Variants in UBR3 observed in about 807,000 individuals in gnomAD.
UBR3 encodes the protein ubiquitin protein ligase E3 component n-recognin 3.
A neutral mutation model predicts 243.2 loss-of-function variants in UBR3; 85 were observed. The ratio of observed to expected loss-of-function variants is 0.35; its 90% confidence interval spans 0.29 to 0.42. The LOEUF is 0.42. Among genes scored for constraint, UBR3 ranks in the 10% least tolerant of loss-of-function variants. The pLI, the probability that UBR3 is intolerant of heterozygous loss-of-function variation, is 1.00. For synonymous variants in UBR3, 748 were observed against 799.8 expected, an observed-to-expected ratio of 0.94 and a Z score of 1.09; for missense variants, 1,686 against 2,300.8, an observed-to-expected ratio of 0.73 and a Z score of 5.47.
intron 1 of UBR3, among the ~76,000 whole-genome samples, chr2:169,831,635 C>T (rs902470987): frequency 6.6e-6 from 1 of 152,064 alleles, no homozygotes; most frequent in Non-Finnish European, 1.5e-5. Flanking sequence ...TTTTCCTGGG[C>T]TATACAGCTA....
At chr2:169,911,710 A>G (rs1267235966) in intron 10 of UBR3, among the ~76,000 whole-genome samples, 1 of 152,152 alleles carries the variant, frequency 6.6e-6, no homozygotes, top group Admixed American at 6.6e-5. Context: ...ACTTGCGCTA[A>G]GAGCATGTAA....
At chr2:170,058,916 T>C (rs1222277587) in intron 33 of UBR3, among the ~76,000 whole-genome samples, 1 of 152,196 alleles carries the variant, frequency 6.6e-6, no homozygotes, top group East Asian at 1.9e-4. Flanking sequence ...TCAAAAACTT[T>C]AAGAAATACT....
intron 22 of UBR3, among the ~76,000 whole-genome samples, chr2:169,948,314 G>C (rs1450594961): frequency 6.6e-6 from 1 of 151,860 alleles, no homozygotes; most frequent in Admixed American, 6.6e-5. Context: ...ATTGCTAGCA[G>C]CATGCTCATT....
intron 36 of UBR3, chr2:170,078,176 T>G: frequency 1.8e-6 from 1 of 545,344 alleles, no homozygotes; most frequent in Non-Finnish European, 3.5e-6. Context: ...AATCATTTTC[T>G]TTGACTTCTT....
chr2:169,850,171 C>CTTTTT (rs56133731), intron 1 of UBR3, among the ~76,000 whole-genome samples: 3 of 57,294 alleles, frequency 5.2e-5, no homozygotes, highest in East Asian at 6.1e-4. Flanking sequence ...TGTTCTAGAG[C>CTTTTT]TTTTTTTTTT....
chr2:169,846,368 C>T (rs1030095644), intron 1 of UBR3, among the ~76,000 whole-genome samples: 4 of 152,118 alleles, frequency 2.6e-5, no homozygotes, highest in African/African-American at 9.7e-5. Context: ...AATGTCGTCA[C>T]CCATATTTCT....
chr2:169,947,599 G>A lies in UBR3; in HGVS notation c.2968G>A (p.Val990Met). The change falls in exon 22 of 39, where the codon GTG (valine) becomes ATG (methionine). Residue 990 changes from valine to methionine, a missense_variant. Physicochemically the swap from Val to Met is conservative, Grantham distance 21. Transcript: ENST00000272793. ...HDSWFPGSNL[V>M]SNMRHFINYV... Reference sequence around the variant, plus strand: ...CAGTTGGTTTCCTGGCAGTAACTTAGTGTCAAACATGCGACACTTTATAAA... The same window carrying A: ...CAGTTGGTTTCCTGGCAGTAACTTAATGTCAAACATGCGACACTTTATAAA... The A allele has an allele frequency of 6.5e-7, 1 of 1,532,648 alleles. No homozygotes were observed. The highest frequency in any genetic ancestry group is 8.8e-7 in the Non-Finnish European group (1 of 1,137,872). 94.9% of individuals were successfully genotyped at this position (1,532,648 alleles called of 1,614,324 possible).
chr2:170,001,197 A>T, intron 26 of UBR3, 107 bp from the exon 27 acceptor site: 1 of 738,780 alleles, frequency 1.4e-6, no homozygotes. Context: ...ACTCCACATT[A>T]ATATAAAAAT....
intron 23 of UBR3, among the ~76,000 whole-genome samples, chr2:169,953,448 G>A (rs774030651): frequency 1.3e-5 from 2 of 152,152 alleles, no homozygotes; most frequent in Non-Finnish European, 2.9e-5. Context: ...CAAGATGCAA[G>A]CAGAAAACAT....
intron 2 of UBR3, among the ~76,000 whole-genome samples, chr2:169,874,264 G>A (rs1481045043): frequency 6.6e-6 from 1 of 151,952 alleles, no homozygotes; most frequent in Non-Finnish European, 1.5e-5. Flanking sequence ...CGCCTCCTGG[G>A]TTCAAGTGAT....
At chr2:169,959,750 G>A (rs1029610180) in intron 24 of UBR3, among the ~76,000 whole-genome samples, 3 of 152,034 alleles carry the variant, frequency 2.0e-5, no homozygotes, top group Non-Finnish European at 4.4e-5. Context: ...TGAAAGTACA[G>A]TACCCGGTCT....
At chr2:169,961,269 T>A (rs138032634) in intron 24 of UBR3, among the ~76,000 whole-genome samples, 2 of 151,960 alleles carry the variant, frequency 1.3e-5, no homozygotes, top group African/African-American at 4.8e-5. Flanking sequence ...TTGGGATTGA[T>A]AATAGAGATT....
At chr2:170,061,682 G>A (rs2091460852) in intron 35 of UBR3, among the ~76,000 whole-genome samples, 1 of 152,068 alleles carries the variant, frequency 6.6e-6, no homozygotes, top group African/African-American at 2.4e-5. Context: ...TGGCCAGGCT[G>A]GTCTCAAACT....
intron 2 of UBR3, 56 bp from the exon 3 acceptor site, chr2:169,875,735 T>G (rs1050247389): frequency 2.0e-5 from 27 of 1,371,208 alleles, no homozygotes; most frequent in African/African-American, 3.0e-5. Flanking sequence ...TTATTTTTAG[T>G]AAGATATTTT....
intron 31 of UBR3, among the ~76,000 whole-genome samples, chr2:170,034,487 CA>C (rs938740293): frequency 2.0e-5 from 3 of 151,976 alleles, no homozygotes; most frequent in Non-Finnish European, 2.9e-5. Context: ...TAAGTTTCCA[CA>C]ATGTCTTCTC....
intron 23 of UBR3, among the ~76,000 whole-genome samples, chr2:169,955,564 C>T (rs757249860): frequency 6.6e-6 from 1 of 151,764 alleles, no homozygotes; most frequent in Non-Finnish European, 1.5e-5. Flanking sequence ...GAGGCTGAGG[C>T]GGGCAGATCA....
At chr2:169,968,047 C>A (rs1327839359) in intron 24 of UBR3, among the ~76,000 whole-genome samples, 1 of 151,850 alleles carries the variant, frequency 6.6e-6, no homozygotes, top group African/African-American at 2.4e-5. Context: ...TAGAGATACT[C>A]TTCATTCTTT....
At chr2:169,954,228 C>CTTGTCTTGTCTTGTCTTGTCTTG (rs1559129703) in intron 23 of UBR3, among the ~76,000 whole-genome samples, 4 of 110,372 alleles carry the variant, frequency 3.6e-5, no homozygotes, top group African/African-American at 1.8e-4. Context: ...GTCTTGTCTT[C>CTTGTCTTGTCTTGTCTTGTCTTG]TCTTCTTAAT....
intron 1 of UBR3, among the ~76,000 whole-genome samples, chr2:169,854,024 T>C (rs1383745352): frequency 1.3e-5 from 2 of 151,502 alleles, no homozygotes; most frequent in Non-Finnish European, 2.9e-5. Flanking sequence ...TCTGTTGGGG[T>C]TGGGGGCAAG....
Sources: gnomAD v4.1 joint callset for allele counts (sites outside exome capture counted in the v4.1 genomes callset) on GRCh38, gnomAD v4.1.1 for gene constraint, MANE v1.5 for transcripts, NCBI Gene and HGNC (gene_info 2026-07-23, HGNC 2026-07-21) for gene names.